The following CEP83 variants were observed in gnomAD, a reference collection of about 807,000 sequenced individuals.
CEP83 encodes centrosomal protein 83, also known as centrosomal protein of 83 kDa.
CEP83 carries 70 observed loss-of-function variants against 101.9 expected under a neutral mutation model. The ratio of observed to expected loss-of-function variants is 0.69; its 90% CI spans 0.57 to 0.84. The LOEUF is 0.84. CEP83 is among the 40% of genes least tolerant of loss of function. The pLI is 0.00. For missense variants in CEP83, 715 were observed against 787.2 expected, an observed-to-expected ratio of 0.91 and a Z score of 1.10; for synonymous variants, 264 against 267.9, an observed-to-expected ratio of 0.99 and a Z score of 0.14.
chr12:94,286,329 A>G, the CEP83 span, among the ~76,000 whole-genome samples: 14 of 152,170 alleles, frequency 9.2e-5, no homozygotes, highest in African/African-American at 3.4e-4. Flanking sequence ...CATGTTCTCT[A>G]TGCCTGGACC....
At chr12:94,459,992 A>ACGCCGACGTCACCCACGC (rs2068033726), upstream of CEP83, 2 of 152,298 alleles carry the variant, frequency 1.3e-5, no homozygotes, top group African/African-American at 4.8e-5. Context: ...CCCACCCCCC[A>ACGCCGACGTCACCCACGC]CGCCGACGTC....
intron 7 of CEP83, among the ~76,000 whole-genome samples, chr12:94,377,183 G>A (rs1001923611): frequency 1.3e-5 from 2 of 152,114 alleles, no homozygotes; most frequent in African/African-American, 4.8e-5. Flanking sequence ...AAATACCTAA[G>A]TCCATAACTT....
intron 11 of CEP83, among the ~76,000 whole-genome samples, chr12:94,355,042 CAAAT>C (rs1187933647): frequency 1.3e-5 from 2 of 151,250 alleles, no homozygotes; most frequent in Non-Finnish European, 3.0e-5. Flanking sequence ...TTCTTAAAAA[CAAAT>C]AAATAAAAAT....
downstream of CEP83, among the ~76,000 whole-genome samples, chr12:94,303,052 T>C (rs1010557207): frequency 7.9e-5 from 12 of 152,218 alleles, no homozygotes; most frequent in African/African-American, 2.9e-4. Flanking sequence ...CTTACCTATC[T>C]TCCCTGAGTA....
chr12:94,292,012 G>A, the CEP83 span, among the ~76,000 whole-genome samples: 2 of 152,038 alleles, frequency 1.3e-5, no homozygotes, highest in Admixed American at 6.5e-5. Context: ...TGGCTTCTTC[G>A]CGTGTTTTTG....
At chr12:94,309,064 C>T in intron 16 of CEP83, 147 bp from the exon 17 acceptor site, 2 of 583,900 alleles carry the variant, frequency 3.4e-6, no homozygotes, top group South Asian at 4.4e-5. Flanking sequence ...GTAGCATGGG[C>T]TAAACTACCA....
intron 15 of CEP83, among the ~76,000 whole-genome samples, 179 bp from the exon 16 acceptor site, chr12:94,310,286 T>G (rs923745724): frequency 6.6e-6 from 1 of 152,122 alleles, no homozygotes; most frequent in Non-Finnish European, 1.5e-5. Context: ...ATCTTAATCA[T>G]TAGCAATCAT....
intron 10 of CEP83, 49 bp from the exon 11 acceptor site, chr12:94,367,992 T>C (rs148627214): frequency 6.2e-7 from 1 of 1,605,334 alleles, no homozygotes; most frequent in East Asian, 2.2e-5. Context: ...ATAAAGATGA[T>C]ATGACAGCAA....
In CEP83 at chr12:94,309,924, A is replaced by G; in HGVS notation, c.1995T>C (p.His665=). 1.9e-6 allele frequency: 3 copies of G among 1,574,564 alleles called. No individual in the cohort carries two copies. Among genetic ancestry groups the G allele is most frequent in the Non-Finnish European group, 1.7e-6 (2 of 1,156,804 alleles). Residue 665 remains histidine, a synonymous_variant, in exon 16 of 17, where the codon CAT becomes CAC. Transcript: ENST00000397809. ...CTAAAATAAATGCTCATACCTGCAT[A>G]TGAGGAGGAAATGGTAGTTCCATGC... The part of the protein sequence containing the change: ...VPSMELPFPP[H]MQEEQHQREL...
At chr12:94,355,357 G>A (rs2136842120) in intron 11 of CEP83, among the ~76,000 whole-genome samples, 1 of 152,248 alleles carries the variant, frequency 6.6e-6, no homozygotes. Flanking sequence ...GCCAGGCATG[G>A]TGGCAGGTGC....
chr12:94,289,749 C>A, the CEP83 span, among the ~76,000 whole-genome samples: 1 of 152,202 alleles, frequency 6.6e-6, no homozygotes, highest in Non-Finnish European at 1.5e-5. Context: ...TGTAAATAAA[C>A]TATTTTTCTG....
chr12:94,444,888 G>A (rs1449159680), intron 1 of CEP83, among the ~76,000 whole-genome samples: 2 of 151,996 alleles, frequency 1.3e-5, no homozygotes, highest in African/African-American at 4.8e-5. Context: ...CCATATTTGT[G>A]GATCAGAAAA....
chr12:94,388,151 A>T (rs2062268687), intron 6 of CEP83, among the ~76,000 whole-genome samples: 1 of 152,258 alleles, frequency 6.6e-6, no homozygotes, highest in African/African-American at 2.4e-5. Context: ...AGCACTATTC[A>T]CAATAGCAAA....
the CEP83 span, among the ~76,000 whole-genome samples, chr12:94,289,855 C>T: frequency 2.2e-4 from 34 of 152,222 alleles, no homozygotes; most frequent in Non-Finnish European, 5.9e-5. Context: ...CGCGCTCACA[C>T]ACACACACAA....
intron 4 of CEP83, among the ~76,000 whole-genome samples, chr12:94,411,234 T>G (rs1187491153): frequency 6.6e-6 from 1 of 152,198 alleles, no homozygotes; most frequent in East Asian, 1.9e-4. Flanking sequence ...AACTATCTTT[T>G]GCTTTACAAA....
chr12:94,283,415 G>A, the CEP83 span, among the ~76,000 whole-genome samples: 1 of 152,188 alleles, frequency 6.6e-6, no homozygotes, highest in Non-Finnish European at 1.5e-5. Context: ...TGCTTATGAA[G>A]TACTTACACC....
chr12:94,279,167 G>T, the CEP83 span, among the ~76,000 whole-genome samples: 3 of 152,062 alleles, frequency 2.0e-5, no homozygotes, highest in Non-Finnish European at 4.4e-5. Flanking sequence ...TTTCTTTTGA[G>T]GAGAAATTAG....
At chr12:94,323,641 G>T (rs978323060) in intron 14 of CEP83, among the ~76,000 whole-genome samples, 2 of 152,188 alleles carry the variant, frequency 1.3e-5, no homozygotes, top group African/African-American at 4.8e-5. Context: ...CACACCAGCT[G>T]CTTCTAGTTG....
chr12:94,395,425 T>C (rs947045724), intron 6 of CEP83, among the ~76,000 whole-genome samples: 1 of 152,192 alleles, frequency 6.6e-6, no homozygotes, highest in Non-Finnish European at 1.5e-5. Context: ...TTTTATGTAC[T>C]ATAATTTATT....
Sources: gnomAD v4.1 joint callset for allele counts (sites outside exome capture counted in the v4.1 genomes callset) on GRCh38, gnomAD v4.1.1 for gene constraint, MANE v1.5 for transcripts, NCBI Gene and HGNC (gene_info 2026-07-23, HGNC 2026-07-21) for gene names.